The following PRKCH variants were observed in gnomAD, a reference collection of about 807,000 sequenced individuals.
PRKCH encodes the protein protein kinase C eta.
In PRKCH, 28 loss-of-function variants were observed where a neutral mutation model predicts 82.5. The ratio of observed to expected loss-of-function variants is 0.34; its 90% CI spans 0.25 to 0.47. The LOEUF is 0.47. Among genes scored for constraint, PRKCH ranks in the 20% least tolerant of loss-of-function variants. The probability of loss-of-function intolerance (pLI) is 1.00; values close to 1 mark genes in which losing one functional copy is unlikely to be tolerated. For missense variants in PRKCH, 705 were observed against 881.8 expected, an observed-to-expected ratio of 0.80 and a Z score of 2.54; for synonymous variants, 322 against 327.4, an observed-to-expected ratio of 0.98 and a Z score of 0.18.
chr14:61,316,102 A>G (rs1459331271), intron 1 of PRKCH, among the ~76,000 whole-genome samples: 4 of 152,126 alleles, frequency 2.6e-5, no homozygotes, highest in African/African-American at 9.7e-5. Flanking sequence ...TAATTACATA[A>G]TATTCCATTA....
At chr14:61,542,279 C>T (rs1183988310) in intron 12 of PRKCH, among the ~76,000 whole-genome samples, 1 of 150,048 alleles carries the variant, frequency 6.7e-6, no homozygotes, top group African/African-American at 2.5e-5. Context: ...ACAGCAAGAG[C>T]GAGACTCCAT....
chr14:61,346,890 C>G (rs960398405), intron 1 of PRKCH, among the ~76,000 whole-genome samples: 1 of 152,218 alleles, frequency 6.6e-6, no homozygotes, highest in Non-Finnish European at 1.5e-5. Flanking sequence ...AGTTATTTTT[C>G]CAAAGCATTA....
At chr14:61,460,852 T>C (rs999681855) in intron 9 of PRKCH, among the ~76,000 whole-genome samples, 1 of 152,172 alleles carries the variant, frequency 6.6e-6, no homozygotes, top group Non-Finnish European at 1.5e-5. Context: ...CCTCTAACTG[T>C]GAGTGAAGCT....
intron 1 of PRKCH, among the ~76,000 whole-genome samples, chr14:61,227,323 G>A (rs1321544565): frequency 2.0e-5 from 3 of 152,166 alleles, no homozygotes; most frequent in East Asian, 1.9e-4. Flanking sequence ...GGCTGGGCGC[G>A]GTGGCTCACG....
chr14:61,415,664 T>TA (rs1043830817), intron 2 of PRKCH, among the ~76,000 whole-genome samples: 8 of 152,180 alleles, frequency 5.3e-5, no homozygotes, highest in African/African-American at 9.7e-5. Flanking sequence ...TTCAGTTTTT[T>TA]AAAAAAATTG....
Position 61,526,432 on chromosome 14 carries a change from G to A in PRKCH, c.1434-2643G>A, listed in dbSNP as rs534847777. On this transcript the variant is annotated intron_variant, in intron 10 of 13. Coordinates refer to ENST00000332981, the MANE Select transcript of PRKCH (RefSeq NM_006255.5). ...CATTGATCTGTGCCATGAAAGCTTT[G>A]CTGCTTTAACCACACTTATTGGGGA... Among the ~76,000 whole-genome samples the A allele has an allele frequency of 4.6e-5, 7 of 152,332 alleles. No homozygotes were observed. The East Asian group carries it at 1.2e-3, about 25-fold the overall frequency.
At chr14:61,444,958 A>G (rs1158010336) in intron 3 of PRKCH, among the ~76,000 whole-genome samples, 1 of 152,220 alleles carries the variant, frequency 6.6e-6, no homozygotes, top group Non-Finnish European at 1.5e-5. Flanking sequence ...ATCTGGCTTC[A>G]GAGTCTGTGC....
intron 10 of PRKCH, among the ~76,000 whole-genome samples, chr14:61,496,738 C>CA (rs1011509050): frequency 6.6e-6 from 1 of 152,210 alleles, no homozygotes; most frequent in African/African-American, 2.4e-5. Context: ...CTTAGGTGTT[C>CA]ATGGAATTGA....
chr14:61,213,548 G>A (rs2044597436), intron 1 of PRKCH, among the ~76,000 whole-genome samples: 3 of 152,210 alleles, frequency 2.0e-5, no homozygotes, highest in African/African-American at 2.4e-5. Flanking sequence ...GCCATCAAAA[G>A]CTGTTATGGT....
chr14:61,391,173 C>A, intron 1 of PRKCH, 52 bp from the exon 2 acceptor site: 4 of 1,505,636 alleles, frequency 2.7e-6, no homozygotes, highest in Non-Finnish European at 2.7e-6. Flanking sequence ...TTAAGGCCCA[C>A]AAAAATATTT....
chr14:61,264,899 G>A (rs968770697), intron 1 of PRKCH, among the ~76,000 whole-genome samples: 1 of 152,152 alleles, frequency 6.6e-6, no homozygotes, highest in African/African-American at 2.4e-5. Context: ...AAGAGTCCGT[G>A]CTGTTAGTGA....
At chr14:61,190,624 T>C (rs12433307) in intron 1 of PRKCH, among the ~76,000 whole-genome samples, 47,291 of 152,118 alleles carry the variant, frequency 0.31, 7,608 homozygotes, top group Admixed American at 0.41. Context: ...CTTGCCCGTG[T>C]GGTCCCACTC....
At chr14:61,460,135 C>T (rs1884962587) in intron 9 of PRKCH, among the ~76,000 whole-genome samples, 1 of 152,180 alleles carries the variant, frequency 6.6e-6, no homozygotes, top group African/African-American at 2.4e-5. Flanking sequence ...GCGTGAGCCA[C>T]TGTACCTGGC....
At chr14:61,283,480 T>G (rs1010850660) in intron 1 of PRKCH, among the ~76,000 whole-genome samples, 1 of 152,148 alleles carries the variant, frequency 6.6e-6, no homozygotes, top group Non-Finnish European at 1.5e-5. Context: ...GAGGTTACCA[T>G]CAGGTGCAGG....
intron 10 of PRKCH, among the ~76,000 whole-genome samples, chr14:61,520,239 T>C (rs2042885787): frequency 1.3e-5 from 2 of 152,202 alleles, no homozygotes; most frequent in South Asian, 2.1e-4. Context: ...AAATAGACTT[T>C]TATGTTTTTC....
At chr14:61,353,828 A>G (rs1265575529) in intron 1 of PRKCH, 1 of 152,120 alleles carries the variant, frequency 6.6e-6, no homozygotes, top group Non-Finnish European at 1.5e-5. Flanking sequence ...TCCTAGCTAC[A>G]TGGGACACTG....
chr14:61,275,528 A>T (rs2045194143), intron 1 of PRKCH, among the ~76,000 whole-genome samples: 1 of 152,210 alleles, frequency 6.6e-6, no homozygotes, highest in Non-Finnish European at 1.5e-5. Flanking sequence ...CTTGACAGTA[A>T]TACCTTTTGC....
At chr14:61,206,070 G>A (rs1199889050) in intron 1 of PRKCH, among the ~76,000 whole-genome samples, 3 of 152,198 alleles carry the variant, frequency 2.0e-5, no homozygotes, top group Non-Finnish European at 4.4e-5. Context: ...ATTGGAGGGA[G>A]AAGGGAGGAG....
At chr14:61,227,759 A>G (rs1271814186) in intron 1 of PRKCH, among the ~76,000 whole-genome samples, 1 of 152,102 alleles carries the variant, frequency 6.6e-6, no homozygotes, top group Non-Finnish European at 1.5e-5. Flanking sequence ...TTATTTTTGC[A>G]GCAACCTAAT....
Sources: gnomAD v4.1 joint callset for allele counts (sites outside exome capture counted in the v4.1 genomes callset) on GRCh38, gnomAD v4.1.1 for gene constraint, MANE v1.5 for transcripts, NCBI Gene and HGNC (gene_info 2026-07-23, HGNC 2026-07-21) for gene names.